GANC: variants seen among roughly 807,000 people sequenced by gnomAD.
GANC encodes the protein neutral alpha-glucosidase C.
GANC carries 117 observed loss-of-function variants against 124.2 expected under a neutral mutation model. The observed-to-expected ratio is 0.94, with a 90% CI of 0.81 to 1.10. The LOEUF (loss-of-function observed/expected upper bound fraction) is 1.10, where lower values mean the gene tolerates loss of function less well. Among genes scored for constraint, GANC ranks in the 50% least tolerant of loss-of-function variants. The pLI is 0.00. For missense variants in GANC, 1,140 were observed against 1,095.0 expected, an observed-to-expected ratio of 1.04 and a Z score of -0.58; for synonymous variants, 377 against 376.8, an observed-to-expected ratio of 1.00 and a Z score of -0.01.
intron 6 of GANC, among the ~76,000 whole-genome samples, chr15:42,300,954 G>A (rs774956719): frequency 1.3e-5 from 2 of 151,450 alleles, no homozygotes; most frequent in Non-Finnish European, 2.9e-5. Flanking sequence ...GGAGGTGGAG[G>A]TTGCAGTGAG....
rs983385842 is a variant in GANC, at chr15:42,349,607, T to C, written c.2531+112T>C. ...TTAAGTTACTATTTAAAGAAATGAA[T>C]GGTGAAGGCCGTTTCCGGAATATTT... On this transcript the variant is annotated intron_variant, in intron 22 of 23. Coordinates refer to ENST00000318010, the MANE Select transcript of GANC (RefSeq NM_198141.3). 10 of 700,820 alleles carry C rather than the reference T, an allele frequency of 1.4e-5. No homozygotes were observed. In the African/African-American group the frequency reaches 1.6e-4, roughly 11 times the overall value. The allele number at this position is 700,820 out of a possible 1,614,324, so 43.4% of individuals were successfully genotyped here.
At chr15:42,311,416 A>G (rs2052048589) in intron 10 of GANC, among the ~76,000 whole-genome samples, 1 of 152,228 alleles carries the variant, frequency 6.6e-6, no homozygotes, top group South Asian at 2.1e-4. Flanking sequence ...CAAAAAAATT[A>G]CTAGAGGTAG....
rs552779492 is a variant in GANC at position 42,328,429 on chromosome 15, A to C, written c.1501-877A>C. Among the ~76,000 whole-genome samples, 109 of 152,174 alleles carry C rather than the reference A, an allele frequency of 7.2e-4. 1 individual carries two copies. Among genetic ancestry groups the C allele is most frequent in the African/African-American group, 2.5e-3 (105 of 41,500 alleles). On this transcript the variant is annotated intron_variant, in intron 13 of 23. Coordinates refer to ENST00000318010, the MANE Select transcript of GANC (RefSeq NM_198141.3). ...CCTGCTTTAGATGGTTCTAAAGGAAAGATATGGTAGTTAAATATTTGGAAA... is the reference window on the plus strand; with the variant it reads ...CCTGCTTTAGATGGTTCTAAAGGAACGATATGGTAGTTAAATATTTGGAAA...
intron 1 of GANC, among the ~76,000 whole-genome samples, chr15:42,275,336 T>C (rs1042970511): frequency 3.3e-5 from 5 of 152,204 alleles, no homozygotes; most frequent in Non-Finnish European, 7.3e-5. Flanking sequence ...ATCGTGCCAC[T>C]TCACTCCAAC....
intron 6 of GANC, among the ~76,000 whole-genome samples, chr15:42,298,858 G>C (rs561622714): frequency 6.6e-6 from 1 of 152,142 alleles, no homozygotes; most frequent in Admixed American, 6.5e-5. Context: ...TTGGCTCTCT[G>C]ATTGTCTAGT....
intron 22 of GANC, among the ~76,000 whole-genome samples, chr15:42,350,321 C>T (rs1007810783): frequency 4.0e-5 from 6 of 151,004 alleles, no homozygotes; most frequent in Non-Finnish European, 8.9e-5. Flanking sequence ...TGAGCCACTC[C>T]GCCCATCTCC....
chr15:42,330,093 A>G (rs1320588826), intron 14 of GANC, among the ~76,000 whole-genome samples: 1 of 152,058 alleles, frequency 6.6e-6, no homozygotes, highest in Non-Finnish European at 1.5e-5. Flanking sequence ...TTCCAATGGG[A>G]TCTTTTGGCT....
Position 42,353,361 on chromosome 15 carries a change from T to C in GANC, c.*1222T>C. 2.1e-5 allele frequency: 21 copies of C among 986,012 alleles called. No individual in the cohort carries two copies. Among genetic ancestry groups the C allele is most frequent in the Non-Finnish European group, 2.5e-5 (21 of 830,010 alleles). The allele number at this position is 986,012 out of a possible 1,614,324, so 61.1% of individuals were successfully genotyped here. A position where few individuals can be genotyped will look rare whatever the true frequency, so the allele number is the denominator to read the frequency against. On this transcript the variant is annotated 3_prime_UTR_variant, in exon 24 of 24. Transcript: ENST00000318010. ...CCCTTACCATCCTTCCAGGCCCAACTTAAATCCCACTTTCCCATGAAGCCT... is the reference window on the plus strand; with the variant it reads ...CCCTTACCATCCTTCCAGGCCCAACCTAAATCCCACTTTCCCATGAAGCCT...
chr15:42,314,187 G>A, intron 10 of GANC: 1 of 759,842 alleles, frequency 1.3e-6, no homozygotes, highest in Middle Eastern at 2.3e-4. Context: ...GGACAAGTTG[G>A]CCAGAAAATA....
chr15:42,301,668 C>T (rs182427655), intron 6 of GANC, among the ~76,000 whole-genome samples: 7 of 152,222 alleles, frequency 4.6e-5, no homozygotes, highest in African/African-American at 1.2e-4. Flanking sequence ...CTTGGTGGGA[C>T]GAGGGGCATC....
intron 20 of GANC, among the ~76,000 whole-genome samples, chr15:42,347,313 A>C (rs2052374541): frequency 6.6e-6 from 1 of 152,160 alleles, no homozygotes; most frequent in African/African-American, 2.4e-5. Context: ...CTCAGTCTCA[A>C]CTTCATGTAT....
intron 3 of GANC, chr15:42,283,622 G>A (rs1227888208): frequency 2.8e-6 from 2 of 701,906 alleles, no homozygotes; most frequent in Non-Finnish European, 5.2e-6. Context: ...CTGTTTGCAA[G>A]GTTTCACCAG....
At chr15:42,294,398 A>G (rs2051871347) in intron 5 of GANC, among the ~76,000 whole-genome samples, 1 of 150,988 alleles carries the variant, frequency 6.6e-6, no homozygotes, top group African/African-American at 2.5e-5. Flanking sequence ...ACATGGTGAA[A>G]CCCTGTCTCT....
In GANC at chr15:42,339,687, T is replaced by C. The variant is rs1047931576; in HGVS notation, c.1862T>C (p.Ile621Thr). Residue 621 changes from isoleucine (I) to threonine (T), a missense_variant, in exon 17 of 24, where the codon ATT becomes ACT. Transcript: ENST00000318010. ...SFCGADIGGF[I>T]GNPETELLVR... ...CTTCCAGCTGACATAGGCGGGTTCATTGGGAATCCAGAGACAGAGCTGCTA... is the reference window on the plus strand; with the variant it reads ...CTTCCAGCTGACATAGGCGGGTTCACTGGGAATCCAGAGACAGAGCTGCTA... 3.2e-5 allele frequency: 52 copies of C among 1,613,628 alleles called. 2 individuals are homozygous for C. Among genetic ancestry groups the C allele is most frequent in the Non-Finnish European group, 4.3e-5 (51 of 1,179,680 alleles).
At chr15:42,276,449 C>G (rs2051672829) in intron 2 of GANC, 39 bp downstream of exon 2, 1 of 915,026 alleles carries the variant, frequency 1.1e-6, no homozygotes, top group South Asian at 1.4e-5. Context: ...CAAAACATCT[C>G]TGACAGTATT....
intron 1 of GANC, among the ~76,000 whole-genome samples, chr15:42,274,953 C>G (rs1251598814): frequency 2.6e-5 from 4 of 152,184 alleles, no homozygotes; most frequent in Admixed American, 2.6e-4. Flanking sequence ...AATCAGAACT[C>G]TTAACACGTG....
At chr15:42,299,377 A>G (rs4583209) in intron 6 of GANC, among the ~76,000 whole-genome samples, 138,462 of 152,208 alleles carry the variant, frequency 0.91, 64,333 homozygotes, top group Non-Finnish European at 1. Context: ...ATTGATTTGC[A>G]TATGTTGAAC....
At chr15:42,295,500 A>C (rs1455424386) in intron 5 of GANC, among the ~76,000 whole-genome samples, 1 of 152,144 alleles carries the variant, frequency 6.6e-6, no homozygotes, top group Admixed American at 6.5e-5. Flanking sequence ...GAAAATATAA[A>C]ACAATATTTC....
intron 4 of GANC, among the ~76,000 whole-genome samples, chr15:42,288,357 G>A (rs1312083265): frequency 6.6e-6 from 1 of 152,024 alleles, no homozygotes; most frequent in East Asian, 1.9e-4. Flanking sequence ...CAATCTTTGG[G>A]GACTAAAGCA....
Sources: allele counts gnomAD v4.1 joint callset (sites outside exome capture counted in the v4.1 genomes callset), GRCh38; gene constraint gnomAD v4.1.1; transcripts MANE v1.5; gene names NCBI Gene and HGNC (gene_info 2026-07-23, HGNC 2026-07-21).